The following KIAA1549L variants were observed in gnomAD, a reference collection of about 807,000 sequenced individuals.
KIAA1549L encodes the protein KIAA1549 like.
A neutral mutation model predicts 160.7 loss-of-function variants in KIAA1549L; 88 were observed. The ratio of observed to expected loss-of-function variants is 0.55; its 90% CI spans 0.46 to 0.65. The LOEUF (loss-of-function observed/expected upper bound fraction) is 0.65. Among genes scored for constraint, KIAA1549L ranks in the 30% least tolerant of loss-of-function variants. The pLI, the probability that KIAA1549L is intolerant of heterozygous loss-of-function variation, is 0.00. For missense variants in KIAA1549L, 2,258 were observed against 2,437.5 expected, an observed-to-expected ratio of 0.93 and a Z score of 1.55; for synonymous variants, 950 against 976.7, an observed-to-expected ratio of 0.97 and a Z score of 0.51.
intron 5 of KIAA1549L, 130 bp from the exon 6 acceptor site, chr11:33,551,978 C>T: frequency 2.0e-6 from 2 of 1,007,102 alleles, no homozygotes; most frequent in South Asian, 1.9e-5. Flanking sequence ...CAAACCTTGT[C>T]TGGCCTTATT....
intron 1 of KIAA1549L, among the ~76,000 whole-genome samples, chr11:33,514,515 A>G (rs1853300494): frequency 6.6e-6 from 1 of 152,378 alleles, no homozygotes; most frequent in African/African-American, 2.4e-5. Context: ...TTGTCTTAAA[A>G]TAGTTTATTT....
At chr11:33,569,573 C>G (rs1258461122) in intron 9 of KIAA1549L, among the ~76,000 whole-genome samples, 1 of 152,218 alleles carries the variant, frequency 6.6e-6, no homozygotes, top group African/African-American at 2.4e-5. Flanking sequence ...TCCAGGCAAT[C>G]TTGAAAGTAT....
intron 9 of KIAA1549L, among the ~76,000 whole-genome samples, chr11:33,570,871 C>G (rs74365887): frequency 6.6e-6 from 1 of 152,126 alleles, no homozygotes; most frequent in African/African-American, 2.4e-5. Context: ...TAGTAAAATA[C>G]TAAGATCCAG....
intron 1 of KIAA1549L, among the ~76,000 whole-genome samples, chr11:33,519,768 C>T (rs1482876936): frequency 6.6e-6 from 1 of 152,106 alleles, no homozygotes; most frequent in Non-Finnish European, 1.5e-5. Context: ...GGCAGTTTGT[C>T]CTTGGCCATT....
At chr11:33,658,164 CT>C (rs1468879529) in intron 18 of KIAA1549L, among the ~76,000 whole-genome samples, 2 of 152,324 alleles carry the variant, frequency 1.3e-5, no homozygotes, top group Admixed American at 1.3e-4. Context: ...GTTAAATGGG[CT>C]TGATTCTCTG....
At chr11:33,532,205 G>C (rs1331705892) in intron 1 of KIAA1549L, among the ~76,000 whole-genome samples, 1 of 152,152 alleles carries the variant, frequency 6.6e-6, no homozygotes, top group Admixed American at 6.5e-5. Flanking sequence ...TATCTCACAG[G>C]TACTATGGAA....
chr11:33,383,275 T>TTC (rs1271522792), intron 1 of KIAA1549L, among the ~76,000 whole-genome samples: 3 of 145,574 alleles, frequency 2.1e-5, no homozygotes, highest in African/African-American at 7.6e-5. Flanking sequence ...CTTTCTTTCT[T>TTC]TTTTTTTTTT....
At chr11:33,530,436 A>AATATATATAT (rs869093534) in intron 1 of KIAA1549L, among the ~76,000 whole-genome samples, 31 of 11,772 alleles carry the variant, frequency 2.6e-3, no homozygotes, top group Admixed American at 4.2e-3. Flanking sequence ...AAAAAAAAAA[A>AATATATATAT]ATATATATAT....
chr11:33,425,547 A>G (rs910832610), intron 1 of KIAA1549L, among the ~76,000 whole-genome samples: 1 of 152,210 alleles, frequency 6.6e-6, no homozygotes, highest in Admixed American at 6.5e-5. Flanking sequence ...AATATACTTG[A>G]GATAAATATT....
At chr11:33,536,953 G>T (rs1213637451) in intron 1 of KIAA1549L, among the ~76,000 whole-genome samples, 1 of 152,148 alleles carries the variant, frequency 6.6e-6, no homozygotes, top group East Asian at 1.9e-4. Context: ...TGCATCACCT[G>T]CTCGCATCCT....
intron 1 of KIAA1549L, among the ~76,000 whole-genome samples, chr11:33,505,908 C>T (rs186760700): frequency 2.7e-4 from 41 of 152,256 alleles, no homozygotes; most frequent in Non-Finnish European, 3.8e-4. Flanking sequence ...GAGTACTCAC[C>T]ATGTGCTAAG....
chr11:33,640,510 T>C (rs556322443), intron 16 of KIAA1549L, among the ~76,000 whole-genome samples: 1 of 152,322 alleles, frequency 6.6e-6, no homozygotes, highest in African/African-American at 2.4e-5. Flanking sequence ...GGGCTCTCCT[T>C]GGAAGTGGAA....
At chr11:33,662,496 T>G (rs1590462726) in intron 20 of KIAA1549L, among the ~76,000 whole-genome samples, 1 of 152,222 alleles carries the variant, frequency 6.6e-6, no homozygotes, top group East Asian at 1.9e-4. Context: ...TTTGTGTCCT[T>G]TGTCATTCTC....
In KIAA1549L at chr11:33,545,293, T is replaced by C; in HGVS notation, c.3300T>C (p.Pro1100=). Residue 1100 remains proline (P), a synonymous_variant, in exon 3 of 21, where the codon CCT becomes CCC. Transcript: ENST00000658780. ...CAGAAAACACAGATGCTGTCCTTCC[T>C]GCTGCATCGGCTGCAGTGGTCACGA... ...LRAENTDAVL[P]AASAAVVTTG... is the part of the protein sequence containing the mutation. 6.2e-7 allele frequency: 1 copy of C among 1,613,932 alleles called. No homozygotes were observed.
At chr11:33,475,001 G>A (rs979233191) in intron 1 of KIAA1549L, among the ~76,000 whole-genome samples, 1 of 152,210 alleles carries the variant, frequency 6.6e-6, no homozygotes, top group Non-Finnish European at 1.5e-5. Flanking sequence ...TATCTTCAGG[G>A]AATATGGTGT....
Position 33,668,348 on chromosome 11 carries a change from A to G in KIAA1549L, c.*194A>G. The G allele has an allele frequency of 1.6e-6, 1 of 611,962 alleles. No homozygotes were observed. The highest frequency in any genetic ancestry group is 2.8e-6 in the Non-Finnish European group (1 of 351,332). The allele number at this position is 611,962 out of a possible 1,614,324, so 37.9% of individuals were successfully genotyped here. Reference sequence around the variant, plus strand: ...ACTAGATTCTTGGCTCATCCAACTGATTGTGGGTCAAGTCCCTGGCTTGGG... The same window carrying G: ...ACTAGATTCTTGGCTCATCCAACTGGTTGTGGGTCAAGTCCCTGGCTTGGG... On this transcript the variant is annotated 3_prime_UTR_variant, in exon 21 of 21. Coordinates refer to ENST00000658780, the MANE Select transcript of KIAA1549L (RefSeq NM_012194.3).
At chr11:33,464,532 C>CA (rs200780881) in intron 1 of KIAA1549L, among the ~76,000 whole-genome samples, 3,365 of 151,252 alleles carry the variant, frequency 0.022, 49 homozygotes, top group South Asian at 0.083. Context: ...ATGCCCCCCC[C>CA]CACACACGCA....
At chr11:33,557,836 A>G (rs1590341752) in intron 6 of KIAA1549L, among the ~76,000 whole-genome samples, 2 of 152,166 alleles carry the variant, frequency 1.3e-5, no homozygotes, top group African/African-American at 4.8e-5. Flanking sequence ...TCAGTGAGCT[A>G]CAATAAGGTC....
At chr11:33,467,011 C>G (rs1852075954) in intron 1 of KIAA1549L, among the ~76,000 whole-genome samples, 1 of 152,068 alleles carries the variant, frequency 6.6e-6, no homozygotes, top group Non-Finnish European at 1.5e-5. Context: ...GGAGAAATAC[C>G]TAATGTAAAT....
Sources: allele counts gnomAD v4.1 joint callset (sites outside exome capture counted in the v4.1 genomes callset), GRCh38; gene constraint gnomAD v4.1.1; transcripts MANE v1.5; gene names NCBI Gene and HGNC (gene_info 2026-07-23, HGNC 2026-07-21).